Variants in TAS2R19 observed in about 807,000 individuals in gnomAD.
TAS2R19 encodes the protein taste receptor type 2 member 19.
For synonymous variants in TAS2R19, 108 were observed against 123.4 expected, an observed-to-expected ratio of 0.87 and a Z score of 0.83; for missense variants, 336 against 342.4, an observed-to-expected ratio of 0.98 and a Z score of 0.15.
Position 11,022,487 on chromosome 12 carries a change from G to C in TAS2R19, c.85C>G (p.Leu29Val), listed in dbSNP as rs1941706187. 3 of 1,613,450 alleles carry C rather than the reference G, an allele frequency of 1.9e-6. No homozygotes were observed. Among genetic ancestry groups the C allele is most frequent in the Admixed American group, 3.3e-5 (2 of 59,994 alleles). The part of the protein sequence containing the change: ...LGNVANGFIA[L>V]VNVIDWVNTR... Reference sequence around the variant, plus strand: ...TTAACCCAGTCAATGACATTTACTAGGGCTATGAAGCCATTGGCAACATTT... The same window carrying C: ...TTAACCCAGTCAATGACATTTACTACGGCTATGAAGCCATTGGCAACATTT... Residue 29 changes from leucine (L) to valine (V), a missense_variant, in exon 1 of 1, where the codon CTA becomes GTA. Leu to Val is a conservative substitution (Grantham distance 32, BLOSUM62 1). Coordinates refer to ENST00000390673, the MANE Select transcript of TAS2R19 (RefSeq NM_176888.2).
rs1203431469 is a variant in TAS2R19, at chr12:11,022,262, T to C, written c.310A>G (p.Ile104Val). Reference protein sequence around the residue: ...FSMWLAASLSIFCLLKIANFS... With the variant: ...FSMWLAASLSVFCLLKIANFS... ...TTGGCAATCTTGAGCAAACAAAATATGCTGAGGCTAGCAGCAAGCCACATG... is the reference window on the plus strand; with the variant it reads ...TTGGCAATCTTGAGCAAACAAAATACGCTGAGGCTAGCAGCAAGCCACATG... Residue 104 changes from isoleucine (I) to valine (V), a missense_variant, in exon 1 of 1, where the codon ATA (isoleucine) becomes GTA (valine). Ile to Val is a conservative substitution (Grantham distance 29). Transcript: ENST00000390673. 2 of 1,614,076 alleles carry C rather than the reference T, an allele frequency of 1.2e-6. No individual in the cohort carries two copies. The highest frequency in any genetic ancestry group is 1.7e-6 in the Non-Finnish European group (2 of 1,180,020).
chr12:11,021,687 C>T, the TAS2R19 span: 20,438 of 1,558,996 alleles, frequency 0.013, 128 homozygotes, highest in Non-Finnish European at 0.015. Flanking sequence ...GTGTCATCTG[C>T]CACAAAACTG....
Position 11,021,778 on chromosome 12 carries a change from T to A in TAS2R19, c.794A>T (p.Gln265Leu). ...QQSKLVLLLCQTVAIMYPSFH... is the reference protein window; with the variant it reads ...QQSKLVLLLCLTVAIMYPSFH... ...TGAAGGATACATGATTGCAACAGTT[T>A]GGCAAAGCAGGAGTACAAGTTTGCT... Residue 265 changes from glutamine (Q) to leucine (L), a missense_variant, in exon 1 of 1, where the codon CAA (glutamine) becomes CTA (leucine). Physicochemically the swap from Gln to Leu is moderately radical, Grantham distance 113. Coordinates refer to ENST00000390673, the MANE Select transcript of TAS2R19 (RefSeq NM_176888.2). 6.2e-7 allele frequency: 1 copy of A among 1,614,246 alleles called. No homozygotes were observed.
rs1428914149 is a variant in TAS2R19, at chr12:11,022,293, A to C, written c.279T>G (p.His93Gln). 1 of 1,614,208 alleles carries C rather than the reference A, an allele frequency of 6.2e-7. No homozygotes were observed. The highest frequency in any genetic ancestry group is 2.2e-5 in the East Asian group (1 of 44,888). The change falls in exon 1 of 1, where the codon CAT (histidine) becomes CAG (glutamine). Residue 93 changes from histidine to glutamine, a missense_variant. Transcript: ENST00000390673. ...GGCTAGCAGCAAGCCACATGCTGAA[A>C]TGGTTCGTTACAGCCCAGGCATTAG... Reference protein sequence around the residue: ...VASNAWAVTNHFSMWLAASLS... With the variant: ...VASNAWAVTNQFSMWLAASLS...
rs542872726 is a variant in TAS2R19, at chr12:11,022,562, A to G, written c.10T>C (p.Phe4Leu). The change falls in exon 1 of 1, where the codon TTT becomes CTT. Residue 4 changes from phenylalanine (F) to leucine (L), a missense_variant. Transcript: ENST00000390673. MMC[F>L]LLIISSILVV... Reference sequence around the variant, plus strand: ...AGAATTGATGAAATGATGAGCAGAAAACACATCATGTTTGAACAGATAAAA... The same window carrying G: ...AGAATTGATGAAATGATGAGCAGAAGACACATCATGTTTGAACAGATAAAA... The G allele has an allele frequency of 1.9e-6, 3 of 1,600,192 alleles. No homozygotes were observed. The highest frequency in any genetic ancestry group is 2.6e-6 in the Non-Finnish European group (3 of 1,173,292).
chr12:11,021,633 CT>C lies in TAS2R19; in HGVS notation c.*38del, dbSNP rs1052030885. On this transcript the variant is annotated 3_prime_UTR_variant, in exon 1 of 1. Coordinates refer to ENST00000390673, the MANE Select transcript of TAS2R19 (RefSeq NM_176888.2). ...CTGCTAGAAGACCCACGATGCTCCC[CT>C]TGTGAATCTATGGAGTTGAGGGTTT... The C allele has an allele frequency of 6.4e-7, 1 of 1,558,954 alleles. No individual in the cohort carries two copies. The highest frequency in any genetic ancestry group is 1.4e-5 in the African/African-American group (1 of 73,556).
rs1333958356 is a variant in TAS2R19 at position 11,021,922 on chromosome 12, T to C, written c.650A>G (p.Gln217Arg). The C allele has an allele frequency of 1.2e-5, 20 of 1,614,068 alleles. No homozygotes were observed. Among genetic ancestry groups the C allele is most frequent in the Non-Finnish European group, 1.6e-5 (19 of 1,180,022 alleles). ...KKMRLHSKGS[Q>R]DPSTKVHIKA... Reference sequence around the variant, plus strand: ...TATATGGACCTTGGTGCTGGGATCTTGAGATCCTTTGCTATGGAGCCGCAT... The same window carrying C: ...TATATGGACCTTGGTGCTGGGATCTCGAGATCCTTTGCTATGGAGCCGCAT... The change falls in exon 1 of 1, where the codon CAA becomes CGA. Residue 217 changes from glutamine (Q) to arginine (R), a missense_variant. Coordinates refer to ENST00000390673, the MANE Select transcript of TAS2R19 (RefSeq NM_176888.2).
Position 11,022,069 on chromosome 12 carries a change from A to G in TAS2R19, c.503T>C (p.Leu168Ser). 1 of 1,613,942 alleles carries G rather than the reference A, an allele frequency of 6.2e-7. No individual in the cohort carries two copies. Reference protein sequence around the residue: ...YEGNVTWKIKLRNAIHLSSLT... With the variant: ...YEGNVTWKIKSRNAIHLSSLT... ...GCTTGAAAGGTGTATTGCATTCCTC[A>G]ATTTGATCTTCCAAGTCACATTTCC... is the stretch of plus-strand genomic sequence containing the variant. Residue 168 changes from leucine to serine, a missense_variant, in exon 1 of 1, where the codon TTG becomes TCG. By Grantham distance (145) the Leu-to-Ser change is moderately radical. Coordinates refer to ENST00000390673, the MANE Select transcript of TAS2R19 (RefSeq NM_176888.2).
Position 11,022,403 on chromosome 12 carries a change from C to G in TAS2R19, c.169G>C (p.Gly57Arg). 1 of 1,613,676 alleles carries G rather than the reference C, an allele frequency of 6.2e-7. No homozygotes were observed. Among genetic ancestry groups the G allele is most frequent in the African/African-American group, 1.3e-5 (1 of 74,942 alleles). ...AGGAATAACATGACCCAGAGTAAAC[C>G]AATTCTGGAGACCACCAGAGCAGTG... ...ILTALVVSRI[G>R]LLWVMLFLWY... Residue 57 changes from glycine (G) to arginine (R), a missense_variant, in exon 1 of 1, where the codon GGT becomes CGT. Coordinates refer to ENST00000390673, the MANE Select transcript of TAS2R19 (RefSeq NM_176888.2).
At position 11,022,028 on chromosome 12, in the gene TAS2R19, G is replaced by A. The variant is rs1941671026; in HGVS notation, c.544C>T (p.Leu182=). The A allele has an allele frequency of 6.2e-7, 1 of 1,610,826 alleles. No individual in the cohort carries two copies. The highest frequency in any genetic ancestry group is 2.2e-5 in the East Asian group (1 of 44,658). ...AGAGTAAAGGGTATGAGGTTTGCTA[G>A]AGTAGTTACAGTCAAGCTTGAAAGG... ...IHLSSLTVTT[L]ANLIPFTLSL... is the part of the protein sequence containing the mutation. Residue 182 remains leucine (L), a synonymous_variant, in exon 1 of 1, where the codon CTA becomes TTA. Coordinates refer to ENST00000390673, the MANE Select transcript of TAS2R19 (RefSeq NM_176888.2).
chr12:11,021,901 T>A lies in TAS2R19; in HGVS notation c.671A>T (p.His224Leu). 1 of 1,614,224 alleles carries A rather than the reference T, an allele frequency of 6.2e-7. No homozygotes were observed. The highest frequency in any genetic ancestry group is 1.1e-5 in the South Asian group (1 of 91,084). ...KGSQDPSTKV[H>L]IKALQTVTSF... ...GGTCACAGTTTGCAAAGCTTTTATA[T>A]GGACCTTGGTGCTGGGATCTTGAGA... is the stretch of plus-strand genomic sequence containing the variant. The change falls in exon 1 of 1, where the codon CAT (histidine) becomes CTT (leucine). Residue 224 changes from histidine (H) to leucine (L), a missense_variant. Transcript: ENST00000390673.
In TAS2R19 at chr12:11,022,611, T is replaced by C; in HGVS notation, c.-40A>G. On this transcript the variant is annotated 5_prime_UTR_variant, in exon 1 of 1. Transcript: ENST00000390673. ...AAAAATGCAGGCTTAGTAACACTTG[T>C]TCTGAGTCCTTTAACATCCAGATGT... 7.1e-7 allele frequency: 1 copy of C among 1,416,330 alleles called. No homozygotes were observed. Among genetic ancestry groups the C allele is most frequent in the Non-Finnish European group, 9.6e-7 (1 of 1,036,892 alleles). 87.7% of individuals were successfully genotyped at this position (1,416,330 alleles called of 1,614,324 possible).
rs113542932 is a variant in TAS2R19, at chr12:11,022,553, T to C, written c.19A>G (p.Ile7Val). The C allele has an allele frequency of 8.1e-5, 131 of 1,610,934 alleles. No homozygotes were observed. The highest frequency in any genetic ancestry group is 1.1e-4 in the Non-Finnish European group (126 of 1,178,888). The change falls in exon 1 of 1, where the codon ATC becomes GTC. Residue 7 changes from isoleucine (I) to valine (V), a missense_variant. Coordinates refer to ENST00000390673, the MANE Select transcript of TAS2R19 (RefSeq NM_176888.2). ...AACACTACCAGAATTGATGAAATGA[T>C]GAGCAGAAAACACATCATGTTTGAA... MMCFLL[I>V]ISSILVVFAF... is the part of the protein sequence containing the mutation.
chr12:11,022,252 A>T, the TAS2R19 span: 2 of 1,613,236 alleles, frequency 1.2e-6, no homozygotes, highest in Non-Finnish European at 1.7e-6. Context: ...AATCTTGAGC[A>T]AACAAAATAT....
chr12:11,022,188 A>C lies in TAS2R19; in HGVS notation c.384T>G (p.Val128=). 6.2e-7 allele frequency: 1 copy of C among 1,614,120 alleles called. No homozygotes were observed. The highest frequency in any genetic ancestry group is 8.5e-7 in the Non-Finnish European group (1 of 1,179,972). ...AGGGCCCCAACAGTATCACCAGAAC[A>C]ACACTCTTAATTCTCTTCTTTAGGT... ...SLHLKKRIKS[V]VLVILLGPLV... Residue 128 remains valine (V), a synonymous_variant, in exon 1 of 1, where the codon GTT becomes GTG. Coordinates refer to ENST00000390673, the MANE Select transcript of TAS2R19 (RefSeq NM_176888.2).
chr12:11,022,310 A>T lies in TAS2R19; in HGVS notation c.262T>A (p.Trp88Arg). The T allele has an allele frequency of 6.2e-7, 1 of 1,614,206 alleles. No homozygotes were observed. The highest frequency in any genetic ancestry group is 8.5e-7 in the Non-Finnish European group (1 of 1,180,018). The change falls in exon 1 of 1, where the codon TGG (tryptophan) becomes AGG (arginine). Residue 88 changes from tryptophan (W) to arginine (R), a missense_variant. Transcript: ENST00000390673. ...LEVRIVASNA[W>R]AVTNHFSMWL... is the part of the protein sequence containing the mutation. ...ATGCTGAAATGGTTCGTTACAGCCC[A>T]GGCATTAGAAGCAACAATTCTTACT...
Position 11,022,316 on chromosome 12 carries a change from T to C in TAS2R19, c.256A>G (p.Asn86Asp), listed in dbSNP as rs775981266. 4 of 1,614,182 alleles carry C rather than the reference T, an allele frequency of 2.5e-6. No homozygotes were observed. Among genetic ancestry groups the C allele is most frequent in the African/African-American group, 2.7e-5 (2 of 75,056 alleles). ...YGLEVRIVASNAWAVTNHFSM... is the reference protein window; with the variant it reads ...YGLEVRIVASDAWAVTNHFSM... The stretch of plus-strand genomic sequence containing the variant: ...AAATGGTTCGTTACAGCCCAGGCAT[T>C]AGAAGCAACAATTCTTACTTCTAAA... Residue 86 changes from asparagine (N) to aspartate (D), a missense_variant, in exon 1 of 1, where the codon AAT (asparagine) becomes GAT (aspartate). Asn to Asp is a conservative substitution (Grantham distance 23). Coordinates refer to ENST00000390673, the MANE Select transcript of TAS2R19 (RefSeq NM_176888.2).
Position 11,022,545 on chromosome 12 carries a change from T to G in TAS2R19, c.27A>C (p.Ser9=). The change falls in exon 1 of 1, where the codon TCA becomes TCC. Residue 9 remains serine, a synonymous_variant. Coordinates refer to ENST00000390673, the MANE Select transcript of TAS2R19 (RefSeq NM_176888.2). The part of the protein sequence containing the change: MMCFLLII[S]SILVVFAFVL... ...CAAATGCAAACACTACCAGAATTGA[T>G]GAAATGATGAGCAGAAAACACATCA... 1 of 1,611,970 alleles carries G rather than the reference T, an allele frequency of 6.2e-7. No homozygotes were observed. The highest frequency in any genetic ancestry group is 8.5e-7 in the Non-Finnish European group (1 of 1,179,212).
rs1380643947 is a variant in TAS2R19 at position 11,021,799 on chromosome 12, T to G, written c.773A>C (p.Lys258Thr). Reference sequence around the variant, plus strand: ...AGTTTGGCAAAGCAGGAGTACAAGTTTGCTCTGCTGTGTCCTAAGATTCCA... The same window carrying G: ...AGTTTGGCAAAGCAGGAGTACAAGTGTGCTCTGCTGTGTCCTAAGATTCCA... Reference protein sequence around the residue: ...STWNLRTQQSKLVLLLCQTVA... With the variant: ...STWNLRTQQSTLVLLLCQTVA... Residue 258 changes from lysine (K) to threonine (T), a missense_variant, in exon 1 of 1, where the codon AAA (lysine) becomes ACA (threonine). By Grantham distance (78) the Lys-to-Thr change is moderately conservative. Coordinates refer to ENST00000390673, the MANE Select transcript of TAS2R19 (RefSeq NM_176888.2). 21 of 1,614,260 alleles carry G rather than the reference T, an allele frequency of 1.3e-5. No individual in the cohort carries two copies. The highest frequency in any genetic ancestry group is 1.7e-5 in the Non-Finnish European group (20 of 1,180,028).
Sources: allele counts gnomAD v4.1 joint callset, GRCh38; gene constraint gnomAD v4.1.1; transcripts MANE v1.5; gene names NCBI Gene and HGNC (gene_info 2026-07-23, HGNC 2026-07-21).